KYAT1: variants seen among roughly 807,000 people sequenced by gnomAD.
KYAT1 encodes kynurenine--oxoglutarate transaminase 1.
A neutral mutation model predicts 52.4 loss-of-function variants in KYAT1; 47 were observed. The observed-to-expected ratio is 0.90, with a 90% CI of 0.71 to 1.14. KYAT1 has a LOEUF of 1.14. Among genes scored for constraint, KYAT1 ranks in the 50% most tolerant of loss-of-function variants. KYAT1 has a pLI of 0.00. For missense variants in KYAT1, 480 were observed against 557.9 expected (o/e 0.86, Z 1.41); for synonymous variants, 212 against 209.6 (o/e 1.01, Z -0.10).
At chr9:128,843,946 G>C (rs549061150) in intron 2 of KYAT1, among the ~76,000 whole-genome samples, 11 of 152,276 alleles carry the variant, frequency 7.2e-5, no homozygotes, top group Admixed American at 6.5e-4. Flanking sequence ...ATAAGGAGTG[G>C]AGTGACTTGC....
chr9:128,875,424 GC>G (rs1006647417), intron 1 of KYAT1, among the ~76,000 whole-genome samples: 1 of 151,660 alleles, frequency 6.6e-6, no homozygotes, highest in Non-Finnish European at 1.5e-5. Flanking sequence ...GACCAGCCTG[GC>G]CAACATGGTG....
intron 1 of KYAT1, among the ~76,000 whole-genome samples, chr9:128,854,837 G>T (rs937841824): frequency 3.3e-5 from 5 of 151,996 alleles, no homozygotes; most frequent in Non-Finnish European, 7.3e-5. Flanking sequence ...GAAGAAGAAG[G>T]AATGATGATA....
intron 1 of KYAT1, among the ~76,000 whole-genome samples, chr9:128,865,361 T>TATA (rs1836214891): frequency 2.6e-5 from 1 of 37,902 alleles, no homozygotes; most frequent in African/African-American, 2.0e-4. Flanking sequence ...ATATATATAT[T>TATA]TTTTTTTTTT....
chr9:128,877,647 A>G (rs774298342), intron 1 of KYAT1, among the ~76,000 whole-genome samples: 8 of 152,212 alleles, frequency 5.3e-5, no homozygotes, highest in Non-Finnish European at 8.8e-5. Flanking sequence ...ATGGCTGCTT[A>G]CAAGGGCAGG....
At chr9:128,843,174 AC>A (rs1342550020) in intron 2 of KYAT1, among the ~76,000 whole-genome samples, 1 of 152,132 alleles carries the variant, frequency 6.6e-6, no homozygotes, top group Non-Finnish European at 1.5e-5. Flanking sequence ...TCTTAAAAAA[AC>A]AAAAACAAAA....
chr9:128,833,888 A>G (rs1219210319), intron 11 of KYAT1, 62 bp from the exon 12 acceptor site: 7 of 1,396,272 alleles, frequency 5.0e-6, no homozygotes, highest in Non-Finnish European at 7.1e-6. Flanking sequence ...TTGGCTCCGG[A>G]GGGGACAGAG....
chr9:128,842,515 G>T, intron 3 of KYAT1, 139 bp downstream of exon 3: 3 of 845,606 alleles, frequency 3.5e-6, no homozygotes, highest in Non-Finnish European at 5.4e-6. Context: ...CAGAGGATAC[G>T]CTCAGTAAAC....
At chr9:128,849,069 C>T (rs937306144) in intron 1 of KYAT1, among the ~76,000 whole-genome samples, 8 of 150,424 alleles carry the variant, frequency 5.3e-5, no homozygotes, top group African/African-American at 1.2e-4. Context: ...GAGCCAAGAT[C>T]GTGCCACTGT....
At position 128,868,350 on chromosome 9, in the gene KYAT1, G is replaced by A. The variant is rs150030149; in HGVS notation, c.-7+13547C>T. On this transcript the variant is annotated intron_variant, in intron 1 of 12. Transcript: ENST00000302586. Reference sequence around the variant, plus strand: ...CTCCCAAAGTGCTGTGATTACAGGCGTGAGCCATCATGCCCAGCCTGGCCC... The same window carrying A: ...CTCCCAAAGTGCTGTGATTACAGGCATGAGCCATCATGCCCAGCCTGGCCC... Among the ~76,000 whole-genome samples the A allele has an allele frequency of 2.8e-4, 43 of 152,086 alleles. No individual in the cohort carries two copies. In the East Asian group the frequency reaches 3.9e-3, roughly 14 times the overall value.
intron 3 of KYAT1, among the ~76,000 whole-genome samples, chr9:128,840,452 T>A (rs760207547): frequency 1.6e-4 from 24 of 152,160 alleles, no homozygotes; most frequent in Non-Finnish European, 3.2e-4. Context: ...GATCTCACCA[T>A]GTTGGGCAGG....
chr9:128,857,173 T>C (rs1834755535), intron 1 of KYAT1, among the ~76,000 whole-genome samples: 1 of 152,224 alleles, frequency 6.6e-6, no homozygotes, highest in Non-Finnish European at 1.5e-5. Flanking sequence ...TTGAACTTAA[T>C]TATGACATAG....
At position 128,856,807 on chromosome 9, in the gene KYAT1, T is replaced by G. The variant is rs1253438410; in HGVS notation, c.-6-11396A>C. ...GGAAAGCCACGTATTGTCCAAGGTTTCTCCCCATGTGATAATCTGAAATAT... is the reference window on the plus strand; with the variant it reads ...GGAAAGCCACGTATTGTCCAAGGTTGCTCCCCATGTGATAATCTGAAATAT... On this transcript the variant is annotated intron_variant, in intron 1 of 12. Coordinates refer to ENST00000302586, the MANE Select transcript of KYAT1 (RefSeq NM_004059.5). Among the ~76,000 whole-genome samples the G allele has an allele frequency of 2.0e-5, 3 of 152,240 alleles. 1 individual carries two copies.
At chr9:128,867,827 C>T (rs59634759) in intron 1 of KYAT1, among the ~76,000 whole-genome samples, 16 of 152,376 alleles carry the variant, frequency 1.1e-4, no homozygotes, top group African/African-American at 3.8e-4. Flanking sequence ...GGCTGGAGTG[C>T]AGTGGCGCGA....
intron 7 of KYAT1, among the ~76,000 whole-genome samples, 184 bp downstream of exon 7, chr9:128,836,618 T>A (rs2805103): frequency 0.58 from 87,488 of 151,834 alleles, 28,667 homozygotes; most frequent in Non-Finnish European, 0.71. Context: ...TTTGACCTCA[T>A]CCTTTCGACA....
intron 1 of KYAT1, among the ~76,000 whole-genome samples, chr9:128,849,512 G>A (rs1390415246): frequency 2.0e-5 from 3 of 151,770 alleles, no homozygotes; most frequent in Non-Finnish European, 4.4e-5. Flanking sequence ...GAATGAATTT[G>A]GGGCCAGGCG....
Position 128,833,853 on chromosome 9 carries a change from A to G in KYAT1, c.1123-27T>C, listed in dbSNP as rs201237139. On this transcript the variant is annotated intron_variant, in intron 11 of 12. Transcript: ENST00000302586. ...TGGGGAGGAGGAAGGACATGTCTCA[A>G]CACGGCCTCGTGGCCCAGCAGGCCT... 5.6e-5 allele frequency: 89 copies of G among 1,599,636 alleles called. No individual in the cohort carries two copies. In the African/African-American group the frequency reaches 1.1e-3, roughly 19 times the overall value.
At chr9:128,882,482 A>G (rs920227286), upstream of KYAT1, 31 of 379,606 alleles carry the variant, frequency 8.2e-5, 1 homozygote, top group Middle Eastern at 4.7e-3. Flanking sequence ...GCCCCCTCCC[A>G]GGCACCCCTG....
chr9:128,866,676 A>G (rs1019577888), intron 1 of KYAT1, among the ~76,000 whole-genome samples: 4 of 151,070 alleles, frequency 2.6e-5, no homozygotes, highest in African/African-American at 9.8e-5. Flanking sequence ...TTAGGAGGCT[A>G]AGGCGGGCAG....
chr9:128,873,056 A>G (rs1372227057), intron 1 of KYAT1, among the ~76,000 whole-genome samples: 1 of 149,922 alleles, frequency 6.7e-6, no homozygotes, highest in African/African-American at 2.5e-5. Flanking sequence ...AGCCTGGGTG[A>G]CAGAGTGAGA....
Sources: gnomAD v4.1 joint callset for allele counts (sites outside exome capture counted in the v4.1 genomes callset) on GRCh38, gnomAD v4.1.1 for gene constraint, MANE v1.5 for transcripts, NCBI Gene and HGNC (gene_info 2026-07-23, HGNC 2026-07-21) for gene names.